TRDN: variants seen among roughly 807,000 people sequenced by gnomAD.
The protein encoded by TRDN is triadin.
Under a neutral mutation model 149.7 loss-of-function variants are expected in TRDN, and 161 were observed. The observed-to-expected ratio is 1.08, with a 90% confidence interval of 0.95 to 1.23. TRDN has a LOEUF of 1.23. TRDN is among the 50% of genes most tolerant of loss of function. The pLI, the probability that TRDN is intolerant of heterozygous loss-of-function variation, is 0.00. For synonymous variants in TRDN, 294 were observed against 250.5 expected (o/e 1.17, Z -1.64); for missense variants, 896 against 823.5 (o/e 1.09, Z -1.08).
chr6:123,555,884 AT>A (rs1291148359), intron 2 of TRDN, among the ~76,000 whole-genome samples: 1 of 152,176 alleles, frequency 6.6e-6, no homozygotes, highest in Admixed American at 6.5e-5. Context: ...CTACTGTGCT[AT>A]AATCTTTGCA....
At chr6:123,557,316 GTCC>G (rs1468250652) in intron 2 of TRDN, among the ~76,000 whole-genome samples, 3 of 152,020 alleles carry the variant, frequency 2.0e-5, no homozygotes, top group African/African-American at 7.2e-5. Flanking sequence ...TCAATCTTCT[GTCC>G]TCCTACTCTT....
chr6:123,625,095 G>A (rs1355420687), intron 1 of TRDN, among the ~76,000 whole-genome samples: 1 of 143,070 alleles, frequency 7.0e-6, no homozygotes, highest in South Asian at 2.2e-4. Context: ...TTTCTGCATT[G>A]ATCAAATGTA....
chr6:123,595,424 T>C (rs1783985600), intron 1 of TRDN, among the ~76,000 whole-genome samples: 1 of 152,110 alleles, frequency 6.6e-6, no homozygotes, highest in Non-Finnish European at 1.5e-5. Context: ...TGGATCCTGA[T>C]GAAAGACTGA....
chr6:123,266,874 C>T (rs1463183926), intron 32 of TRDN, among the ~76,000 whole-genome samples: 3 of 139,966 alleles, frequency 2.1e-5, no homozygotes, highest in Admixed American at 7.7e-5. Context: ...TTTGGGAGGC[C>T]GAGGTGGGTG....
intron 12 of TRDN, among the ~76,000 whole-genome samples, chr6:123,432,510 T>C (rs118083359): frequency 6.2e-4 from 95 of 152,272 alleles, no homozygotes; most frequent in Admixed American, 1.4e-3. Flanking sequence ...TTTCTGCTTA[T>C]ATATTCTGTC....
intron 9 of TRDN, among the ~76,000 whole-genome samples, chr6:123,491,654 T>C (rs908622934): frequency 3.3e-5 from 5 of 152,202 alleles, no homozygotes; most frequent in Admixed American, 6.5e-5. Context: ...TATCAAGTTA[T>C]CCTTTTTAAT....
At chr6:123,583,679 G>C (rs965013890) in intron 1 of TRDN, among the ~76,000 whole-genome samples, 2 of 152,000 alleles carry the variant, frequency 1.3e-5, no homozygotes, top group African/African-American at 4.8e-5. Flanking sequence ...TCTGACAGAA[G>C]GGAAAAAATG....
intron 12 of TRDN, among the ~76,000 whole-genome samples, chr6:123,430,373 G>A (rs910880234): frequency 1.5e-4 from 23 of 151,714 alleles, no homozygotes; most frequent in African/African-American, 5.1e-4. Context: ...ACAAGGTCAG[G>A]AGATTGAGAC....
chr6:123,480,069 A>C (rs190664248), intron 9 of TRDN, among the ~76,000 whole-genome samples: 1 of 152,100 alleles, frequency 6.6e-6, no homozygotes, highest in Admixed American at 6.6e-5. Flanking sequence ...AGAGATGCCT[A>C]TTCTCTGAGG....
chr6:123,602,127 T>C (rs10457446), intron 1 of TRDN, among the ~76,000 whole-genome samples: 75,245 of 151,936 alleles, frequency 0.5, 20,477 homozygotes, highest in Admixed American at 0.63. Context: ...TGAGGAGAAG[T>C]TGCATTTGAA....
At chr6:123,562,270 C>T (rs1003057172) in intron 2 of TRDN, among the ~76,000 whole-genome samples, 1 of 152,152 alleles carries the variant, frequency 6.6e-6, no homozygotes, top group African/African-American at 2.4e-5. Context: ...AGACTCAGCC[C>T]GCCTGCACCC....
Position 123,341,244 on chromosome 6 carries a change from GTA to G in TRDN, c.1370-3577_1370-3576del, listed in dbSNP as rs1341265625. On this transcript the variant is annotated intron_variant, in intron 21 of 40. Transcript: ENST00000334268. ...AAAGATATAACAGACTAATTTTACTGTAGACACTTCATTAACTTTGTAATTAA... is the reference window on the plus strand; with the variant it reads ...AAAGATATAACAGACTAATTTTACTGGACACTTCATTAACTTTGTAATTAA... 2.8e-5 allele frequency among the ~76,000 whole-genome samples: 4 copies of G among 142,782 alleles called. No homozygotes were observed. In the Admixed American group the frequency reaches 2.8e-4, roughly 10 times the overall value. The allele number at this position is 142,782 out of a possible 152,430, so 93.7% of individuals were successfully genotyped here. A position where few individuals can be genotyped will look rare whatever the true frequency, so the allele number is the denominator to read the frequency against.
At chr6:123,621,630 T>TA (rs1785388782) in intron 1 of TRDN, among the ~76,000 whole-genome samples, 1 of 152,128 alleles carries the variant, frequency 6.6e-6, no homozygotes, top group Admixed American at 6.6e-5. Flanking sequence ...TAGATGACTC[T>TA]TATAAACAAA....
chr6:123,414,469 A>G (rs1773570128), intron 12 of TRDN, among the ~76,000 whole-genome samples: 1 of 152,158 alleles, frequency 6.6e-6, no homozygotes, highest in Admixed American at 6.6e-5. Context: ...ACATTGTCCT[A>G]GAGTTCATTT....
At chr6:123,457,561 TC>T in intron 10 of TRDN, 2 of 439,792 alleles carry the variant, frequency 4.5e-6, no homozygotes, top group Non-Finnish European at 9.1e-6. Flanking sequence ...CTTTTCATTT[TC>T]CTTTTTTTTT....
At chr6:123,245,823 T>C (rs776523258) in intron 38 of TRDN, among the ~76,000 whole-genome samples, 1 of 152,122 alleles carries the variant, frequency 6.6e-6, no homozygotes, top group Non-Finnish European at 1.5e-5. Context: ...TATTCCAAGA[T>C]TGACCACATA....
At chr6:123,247,826 T>A (rs1776239421) in intron 38 of TRDN, among the ~76,000 whole-genome samples, 1 of 152,176 alleles carries the variant, frequency 6.6e-6, no homozygotes, top group Non-Finnish European at 1.5e-5. Flanking sequence ...GCTTGAGGCA[T>A]CATGCTACCT....
intron 1 of TRDN, among the ~76,000 whole-genome samples, chr6:123,624,442 T>C (rs1785549074): frequency 6.6e-6 from 1 of 152,134 alleles, no homozygotes; most frequent in African/African-American, 2.4e-5. Flanking sequence ...TTATTTCTAA[T>C]ATAACTCTCA....
chr6:123,502,315 G>A (rs9401675), intron 8 of TRDN: 708,733 of 831,824 alleles, frequency 0.85, 302,605 homozygotes, highest in East Asian at 0.88. Context: ...TAATTTTGAT[G>A]GAAGTAATAA....
Sources: allele counts gnomAD v4.1 joint callset (sites outside exome capture counted in the v4.1 genomes callset), GRCh38; gene constraint gnomAD v4.1.1; transcripts MANE v1.5; gene names NCBI Gene and HGNC (gene_info 2026-07-23, HGNC 2026-07-21).